The following RPA3 variants were observed in gnomAD, a reference collection of about 807,000 sequenced individuals.
The protein encoded by RPA3 is replication protein A3, also known as replication protein A 14 kDa subunit.
Under a neutral mutation model 13.7 loss-of-function variants are expected in RPA3, and 24 were observed. That is an observed-to-expected ratio of 1.75 (90% confidence interval 1.27 to 2.46). The LOEUF is 2.46. RPA3 is among the 30% of genes most tolerant of loss of function. The pLI, the probability that RPA3 is intolerant of heterozygous loss-of-function variation, is 0.00. For missense variants in RPA3, 183 were observed against 151.0 expected, an observed-to-expected ratio of 1.21 and a Z score of -1.11; for synonymous variants, 59 against 51.2, an observed-to-expected ratio of 1.15 and a Z score of -0.65.
intron 2 of RPA3, among the ~76,000 whole-genome samples, chr7:7,695,550 A>G (rs1780291922): frequency 6.6e-6 from 1 of 152,188 alleles, no homozygotes; most frequent in African/African-American, 2.4e-5. Flanking sequence ...TCTCAGAGCA[A>G]GAACACTCAA....
Position 7,640,310 on chromosome 7 carries a change from A to C in RPA3, c.99+10T>G. The C allele has an allele frequency of 6.2e-7, 1 of 1,613,620 alleles. No individual in the cohort carries two copies. The highest frequency in any genetic ancestry group is 1.1e-5 in the South Asian group (1 of 91,052). ...CGGACTTGGGAGCCCATGATTGCGA[A>C]CCCGCACACCTTTTCCAGCCTCCCT... is the stretch of plus-strand genomic sequence containing the variant. On this transcript the variant is annotated intron_variant, in intron 5 of 7. Coordinates refer to ENST00000223129, the MANE Select transcript of RPA3 (RefSeq NM_002947.5).
intron 2 of RPA3, among the ~76,000 whole-genome samples, chr7:7,706,173 G>C (rs1780593998): frequency 6.6e-6 from 1 of 152,094 alleles, no homozygotes; most frequent in South Asian, 2.1e-4. Context: ...GGGGAAGAGA[G>C]AGTAATTAGT....
chr7:7,677,915 C>T lies in RPA3; in HGVS notation c.-758+7915G>A, dbSNP rs952262799. 1.6e-4 allele frequency among the ~76,000 whole-genome samples: 24 copies of T among 151,722 alleles called. No homozygotes were observed. The East Asian group carries it at 1.7e-3, about 11-fold the overall frequency. On this transcript the variant is annotated intron_variant, in intron 4 of 7. Transcript: ENST00000223129. ...GTCTCGATCTCCTGACCTCGTGATC[C>T]GCCCGCCTCGGCCTCCCAAAGTGCT...
chr7:7,708,478 TG>T (rs1337455352), intron 2 of RPA3, among the ~76,000 whole-genome samples: 4 of 152,336 alleles, frequency 2.6e-5, no homozygotes, highest in Admixed American at 6.5e-5. Context: ...TTTACCATTT[TG>T]GATATAAGGG....
At chr7:7,681,563 TC>T (rs1779913057) in intron 4 of RPA3, among the ~76,000 whole-genome samples, 1 of 152,134 alleles carries the variant, frequency 6.6e-6, no homozygotes, top group Non-Finnish European at 1.5e-5. Context: ...TGTAACCAGT[TC>T]CTATTCACGT....
intron 2 of RPA3, among the ~76,000 whole-genome samples, chr7:7,713,017 A>G (rs1358676901): frequency 6.6e-6 from 1 of 152,056 alleles, no homozygotes; most frequent in Admixed American, 6.6e-5. Context: ...ATTTGGTAAG[A>G]TATTTTTCTA....
chr7:7,714,179 T>C (rs1042967509), intron 2 of RPA3, among the ~76,000 whole-genome samples: 1 of 152,272 alleles, frequency 6.6e-6, no homozygotes, highest in African/African-American at 2.4e-5. Flanking sequence ...ACTTGATTCA[T>C]GGCCTTTTCT....
At chr7:7,658,027 T>C (rs984255421) in intron 4 of RPA3, among the ~76,000 whole-genome samples, 2 of 152,162 alleles carry the variant, frequency 1.3e-5, no homozygotes, top group African/African-American at 2.4e-5. Flanking sequence ...AGGTCCTTCA[T>C]GTCCCTTGTA....
In RPA3 at chr7:7,685,840, T is replaced by C. The variant is rs757202084; in HGVS notation, c.-768A>G. On this transcript the variant is annotated 5_prime_UTR_variant, in exon 4 of 8. Transcript: ENST00000223129. ...GAATTATGGTCTTACCTTGGAAGAA[T>C]AGTATCTCATAAAATAAGTAAGAAG... The C allele has an allele frequency of 6.6e-6, 1 of 152,258 alleles. No individual in the cohort carries two copies. The highest frequency in any genetic ancestry group is 2.1e-4 in the South Asian group (1 of 4,834). 9.4% of individuals were successfully genotyped at this position (152,258 alleles called of 1,614,324 possible).
In RPA3 at chr7:7,670,779, A is replaced by G. The variant is rs28915998; in HGVS notation, c.-758+15051T>C. Among the ~76,000 whole-genome samples the G allele has an allele frequency of 3.7e-4, 57 of 152,290 alleles. No individual in the cohort carries two copies. The East Asian group carries it at 7.3e-3, about 20-fold the overall frequency. On this transcript the variant is annotated intron_variant, in intron 4 of 7. Coordinates refer to ENST00000223129, the MANE Select transcript of RPA3 (RefSeq NM_002947.5). Reference sequence around the variant, plus strand: ...GGAACTGGTAAGCATAATTGCCAAAACCACTCCCATTTACAAAGGCGAACA... The same window carrying G: ...GGAACTGGTAAGCATAATTGCCAAAGCCACTCCCATTTACAAAGGCGAACA...
chr7:7,641,569 G>A (rs1263048742), intron 4 of RPA3: 40 of 152,250 alleles, frequency 2.6e-4, no homozygotes, highest in Admixed American at 2.6e-3. Context: ...AGGGCGATCT[G>A]GAGGTCTGGA....
chr7:7,694,361 A>AT (rs1019532847), intron 2 of RPA3, among the ~76,000 whole-genome samples: 1 of 152,106 alleles, frequency 6.6e-6, no homozygotes, highest in Non-Finnish European at 1.5e-5. Context: ...AGCATTTATC[A>AT]TTTTTTTGTG....
intron 4 of RPA3, among the ~76,000 whole-genome samples, chr7:7,662,055 A>G (rs1785487679): frequency 6.6e-6 from 1 of 152,038 alleles, no homozygotes; most frequent in Non-Finnish European, 1.5e-5. Context: ...GGCTTTGCTG[A>G]GCTGTGGAGG....
In RPA3 at chr7:7,640,433, A is replaced by G. The variant is rs776763597; in HGVS notation, c.-15T>C. On this transcript the variant is annotated 5_prime_UTR_variant, in exon 5 of 8. Coordinates refer to ENST00000223129, the MANE Select transcript of RPA3 (RefSeq NM_002947.5). Reference sequence around the variant, plus strand: ...ATGTCCACCATGATTATGGTCCAAGACTGCGGCTGGCGGGAAACCCACGGA... The same window carrying G: ...ATGTCCACCATGATTATGGTCCAAGGCTGCGGCTGGCGGGAAACCCACGGA... The G allele has an allele frequency of 6.2e-7, 1 of 1,612,718 alleles. No homozygotes were observed. The highest frequency in any genetic ancestry group is 1.3e-5 in the African/African-American group (1 of 74,880).
At chr7:7,678,051 G>C (rs1238675332) in intron 4 of RPA3, among the ~76,000 whole-genome samples, 1 of 152,108 alleles carries the variant, frequency 6.6e-6, no homozygotes, top group Non-Finnish European at 1.5e-5. Flanking sequence ...AATAAACATG[G>C]GAATGTGGAC....
At chr7:7,702,552 C>T (rs1780487089) in intron 2 of RPA3, among the ~76,000 whole-genome samples, 1 of 152,090 alleles carries the variant, frequency 6.6e-6, no homozygotes, top group Admixed American at 6.6e-5. Context: ...ATTTTCATGT[C>T]ATTTTCTGTA....
chr7:7,698,194 A>T (rs1299354021), intron 2 of RPA3, among the ~76,000 whole-genome samples: 1 of 152,228 alleles, frequency 6.6e-6, no homozygotes. Flanking sequence ...TTGAATTGCT[A>T]TATGCTTCAT....
intron 4 of RPA3, among the ~76,000 whole-genome samples, chr7:7,684,483 A>T (rs1418945337): frequency 1.3e-5 from 2 of 152,012 alleles, no homozygotes; most frequent in Admixed American, 1.3e-4. Context: ...TGTTGGGATT[A>T]CTGGCCTGAG....
At chr7:7,652,928 G>A (rs993048681) in intron 4 of RPA3, among the ~76,000 whole-genome samples, 9 of 152,120 alleles carry the variant, frequency 5.9e-5, no homozygotes, top group African/African-American at 2.2e-4. Flanking sequence ...TAAAATGAGC[G>A]AGCAAATAGA....
Sources: gnomAD v4.1 joint callset for allele counts (sites outside exome capture counted in the v4.1 genomes callset) on GRCh38, gnomAD v4.1.1 for gene constraint, MANE v1.5 for transcripts, NCBI Gene and HGNC (gene_info 2026-07-23, HGNC 2026-07-21) for gene names.